Variants in CTNNA2 observed in about 807,000 individuals in gnomAD.
CTNNA2 encodes catenin alpha 2.
Under a neutral mutation model 101.0 loss-of-function variants are expected in CTNNA2, and 42 were observed. The observed-to-expected ratio is 0.42, with a 90% CI of 0.32 to 0.54. CTNNA2 has a LOEUF of 0.54. Among genes scored for constraint, CTNNA2 ranks in the 20% least tolerant of loss-of-function variants. CTNNA2 has a pLI of 0.14. For missense variants in CTNNA2, 871 were observed against 1,223.1 expected (o/e 0.71, Z 4.29); for synonymous variants, 450 against 456.4 (o/e 0.99, Z 0.18).
chr2:79,350,823 C>T (rs1341526691), intron 3 of CTNNA2, among the ~76,000 whole-genome samples: 3 of 152,112 alleles, frequency 2.0e-5, no homozygotes, highest in East Asian at 3.9e-4. Flanking sequence ...TACTAATAAT[C>T]GTCATTCTGA....
At chr2:79,301,924 C>G (rs1195136537) in intron 2 of CTNNA2, among the ~76,000 whole-genome samples, 1 of 151,844 alleles carries the variant, frequency 6.6e-6, no homozygotes, top group Non-Finnish European at 1.5e-5. Context: ...AACTCTGTCT[C>G]TACAAAAAAT....
chr2:79,529,717 G>A (rs992728678), intron 1 of CTNNA2, among the ~76,000 whole-genome samples: 11 of 148,560 alleles, frequency 7.4e-5, no homozygotes, highest in African/African-American at 2.0e-4. Flanking sequence ...AAAGAAATAT[G>A]TTACTCCTAC....
intron 9 of CTNNA2, among the ~76,000 whole-genome samples, chr2:80,493,738 G>A (rs1356846443): frequency 6.6e-6 from 1 of 152,148 alleles, no homozygotes; most frequent in African/African-American, 2.4e-5. Context: ...ATACACATTT[G>A]TGTTCTTGGT....
At chr2:80,208,264 T>C (rs1707655277) in intron 7 of CTNNA2, among the ~76,000 whole-genome samples, 1 of 152,182 alleles carries the variant, frequency 6.6e-6, no homozygotes, top group South Asian at 2.1e-4. Context: ...TTTGTTTGTT[T>C]AGAAATAGGA....
intron 1 of CTNNA2, among the ~76,000 whole-genome samples, chr2:79,572,718 T>C (rs1675535187): frequency 2.0e-5 from 3 of 152,160 alleles, no homozygotes; most frequent in African/African-American, 4.8e-5. Context: ...CGCTGCTGCA[T>C]TCCAGCGTGG....
At chr2:79,367,032 G>A (rs1677766691) in intron 3 of CTNNA2, among the ~76,000 whole-genome samples, 1 of 152,188 alleles carries the variant, frequency 6.6e-6, no homozygotes. Flanking sequence ...ATTTGGAGAT[G>A]GAGCCTTTGA....
intron 8 of CTNNA2, among the ~76,000 whole-genome samples, chr2:80,418,192 A>G (rs746599408): frequency 3.9e-5 from 6 of 152,182 alleles, no homozygotes; most frequent in Non-Finnish European, 8.8e-5. Flanking sequence ...AGGCGCTGCC[A>G]TTTGTTAACT....
intron 2 of CTNNA2, among the ~76,000 whole-genome samples, chr2:79,308,790 T>C (rs979775254): frequency 2.2e-4 from 33 of 151,864 alleles, no homozygotes; most frequent in Non-Finnish European, 4.3e-4. Context: ...TGGTTTTTTT[T>C]TTTTTTGCTC....
intron 7 of CTNNA2, among the ~76,000 whole-genome samples, chr2:80,358,922 T>C (rs1204245812): frequency 6.6e-6 from 1 of 152,278 alleles, no homozygotes; most frequent in South Asian, 2.1e-4. Flanking sequence ...TTTTCAAATA[T>C]TACTTCATTC....
rs1354351956 is a variant in CTNNA2 at position 80,545,042 on chromosome 2, G to T, written c.1351G>T (p.Ala451Ser). 6.2e-7 allele frequency: 1 copy of T among 1,613,914 alleles called. No homozygotes were observed. Among genetic ancestry groups the T allele is most frequent in the East Asian group, 2.2e-5 (1 of 44,840 alleles). The stretch of plus-strand genomic sequence containing the variant: ...AGAAGGGGTGAAATTAGTTCGGATG[G>T]CAGCCACCCAGATTGACAGCCTGTG... ...NEEGVKLVRM[A>S]ATQIDSLCPQ... is the part of the protein sequence containing the mutation. The change falls in exon 10 of 19, where the codon GCA becomes TCA. Residue 451 changes from alanine to serine, a missense_variant. This residue lies in a region of CTNNA2 where 647 missense variants were observed against 831.5 expected (regional missense o/e 0.78). Transcript: ENST00000402739.
At chr2:79,831,496 C>A (rs530237512) in intron 3 of CTNNA2, among the ~76,000 whole-genome samples, 3 of 152,092 alleles carry the variant, frequency 2.0e-5, no homozygotes, top group Admixed American at 2.0e-4. Context: ...GTGCTTTTGT[C>A]TGTGTTGCTT....
At chr2:79,730,255 A>G (rs1687116753) in intron 2 of CTNNA2, among the ~76,000 whole-genome samples, 2 of 152,108 alleles carry the variant, frequency 1.3e-5, no homozygotes, top group Admixed American at 6.6e-5. Flanking sequence ...CATGTGCTAT[A>G]TGTGTAATGA....
intron 1 of CTNNA2, among the ~76,000 whole-genome samples, chr2:79,595,324 A>T (rs1365338750): frequency 6.6e-6 from 1 of 151,980 alleles, no homozygotes; most frequent in African/African-American, 2.4e-5. Flanking sequence ...CCCGTGATTT[A>T]TCTTCTATAT....
At chr2:79,764,331 T>C (rs1672992892) in intron 3 of CTNNA2, among the ~76,000 whole-genome samples, 1 of 152,226 alleles carries the variant, frequency 6.6e-6, no homozygotes, top group Non-Finnish European at 1.5e-5. Context: ...TTTCCTGTTA[T>C]GCCAATTATA....
intron 3 of CTNNA2, among the ~76,000 whole-genome samples, chr2:79,765,078 C>T (rs1413772221): frequency 6.6e-6 from 1 of 152,150 alleles, no homozygotes; most frequent in Non-Finnish European, 1.5e-5. Context: ...AGGGCATCAT[C>T]CTTCAACAAG....
At chr2:80,471,892 G>A (rs969970827) in intron 9 of CTNNA2, among the ~76,000 whole-genome samples, 5 of 152,096 alleles carry the variant, frequency 3.3e-5, no homozygotes, top group East Asian at 1.9e-4. Context: ...TTAGGAGGCC[G>A]AGGTGAGTGG....
intron 4 of CTNNA2, among the ~76,000 whole-genome samples, chr2:79,862,296 G>A (rs550974147): frequency 6.6e-6 from 1 of 152,074 alleles, no homozygotes; most frequent in Non-Finnish European, 1.5e-5. Context: ...GCTACCAAGG[G>A]CCAAATATAG....
At chr2:80,492,258 G>A (rs866956473) in intron 9 of CTNNA2, among the ~76,000 whole-genome samples, 1 of 152,134 alleles carries the variant, frequency 6.6e-6, no homozygotes, top group Non-Finnish European at 1.5e-5. Context: ...TGTAAGACAT[G>A]CTTGCTTCCC....
At chr2:80,363,660 G>A (rs1674636010) in intron 7 of CTNNA2, among the ~76,000 whole-genome samples, 1 of 152,124 alleles carries the variant, frequency 6.6e-6, no homozygotes, top group South Asian at 2.1e-4. Flanking sequence ...AATGGTGCGT[G>A]CATATGGGTA....
Sources: gnomAD v4.1 joint callset for allele counts (sites outside exome capture counted in the v4.1 genomes callset) on GRCh38, gnomAD v4.1.1 for gene constraint, gnomAD v4.1.1 regional missense constraint, MANE v1.5 for transcripts, NCBI Gene and HGNC (gene_info 2026-07-23, HGNC 2026-07-21) for gene names.